TTC7A: variants seen among roughly 807,000 people sequenced by gnomAD.
TTC7A encodes tetratricopeptide repeat protein 7A.
Under a neutral mutation model 103.7 loss-of-function variants are expected in TTC7A, and 110 were observed. That is an observed-to-expected ratio of 1.06 (90% CI 0.91 to 1.24). The LOEUF (loss-of-function observed/expected upper bound fraction) is 1.24. Ranked by LOEUF, TTC7A falls within the 50% of genes most tolerant of loss-of-function variation. TTC7A has a pLI of 0.00. For synonymous variants in TTC7A, 521 were observed against 467.9 expected (o/e 1.11, Z -1.47); for missense variants, 1,340 against 1,116.3 (o/e 1.20, Z -2.86).
intron 15 of TTC7A, among the ~76,000 whole-genome samples, chr2:47,044,612 A>G (rs1181328270): frequency 1.3e-5 from 2 of 152,330 alleles, no homozygotes; most frequent in East Asian, 3.9e-4. Flanking sequence ...AGGGCATCCT[A>G]AGAATTGAGA....
intron 1 of TTC7A, among the ~76,000 whole-genome samples, chr2:46,945,247 C>T (rs911313151): frequency 1.3e-5 from 2 of 152,058 alleles, no homozygotes; most frequent in Non-Finnish European, 2.9e-5. Context: ...GTGTGTATGC[C>T]ACTACACCCA....
intron 18 of TTC7A, among the ~76,000 whole-genome samples, chr2:47,052,910 C>T (rs746293065): frequency 1.3e-5 from 2 of 152,092 alleles, no homozygotes; most frequent in African/African-American, 2.4e-5. Flanking sequence ...GAGAAGAAAC[C>T]GAAAGTTGAT....
chr2:46,986,719 A>G (rs1223988316), intron 5 of TTC7A, among the ~76,000 whole-genome samples: 1 of 152,094 alleles, frequency 6.6e-6, no homozygotes, highest in Non-Finnish European at 1.5e-5. Context: ...TGCCAGCGAG[A>G]CTAAGGAGAC....
intron 18 of TTC7A, among the ~76,000 whole-genome samples, chr2:47,052,730 G>A (rs1259352640): frequency 6.6e-6 from 1 of 152,132 alleles, no homozygotes; most frequent in Non-Finnish European, 1.5e-5. Flanking sequence ...AGAGGAGGAG[G>A]ATAGGCTAAA....
chr2:46,919,014 C>T (rs1007512664), intron 2 of TTC7A, among the ~76,000 whole-genome samples: 7 of 152,246 alleles, frequency 4.6e-5, no homozygotes, highest in East Asian at 3.9e-4. Flanking sequence ...GGAGATAGGA[C>T]GGCCATCCCA....
intron 11 of TTC7A, 130 bp downstream of exon 11, chr2:47,011,565 T>G: frequency 1.4e-6 from 1 of 695,222 alleles, no homozygotes; most frequent in Non-Finnish European, 2.3e-6. Context: ...ACCAGGCAGA[T>G]GGGCCTGGGC....
intron 11 of TTC7A, among the ~76,000 whole-genome samples, chr2:47,012,788 G>A (rs1029219299): frequency 3.3e-5 from 5 of 152,188 alleles, no homozygotes; most frequent in African/African-American, 9.7e-5. Flanking sequence ...CAAAGAGGCT[G>A]GGTGAAAAGA....
intron 15 of TTC7A, among the ~76,000 whole-genome samples, chr2:47,039,540 C>G (rs1681509774): frequency 1.3e-5 from 2 of 152,200 alleles, no homozygotes; most frequent in African/African-American, 4.8e-5. Context: ...TATCCCCTAT[C>G]TACAAGATAA....
At chr2:46,976,625 C>G (rs1028554314) in intron 4 of TTC7A, among the ~76,000 whole-genome samples, 1 of 152,194 alleles carries the variant, frequency 6.6e-6, no homozygotes, top group African/African-American at 2.4e-5. Flanking sequence ...GATTCTCAAC[C>G]TCAATGCTGT....
chr2:46,970,044 C>T lies in TTC7A; in HGVS notation c.518-4929C>T, dbSNP rs79211482. 8.5e-3 allele frequency among the ~76,000 whole-genome samples: 1,288 copies of T among 152,128 alleles called. 15 individuals carry two copies. Among genetic ancestry groups the T allele is most frequent in the African/African-American group, 0.029 (1,201 of 41,480 alleles). On this transcript the variant is annotated intron_variant, in intron 3 of 19. Transcript: ENST00000319190. ...CTTGTTCTGTCACCCAGCTGGAGTG[C>T]GGTGGCATAATCTTGGCTTACTGCA...
At chr2:47,040,049 C>T (rs1453362040) in intron 15 of TTC7A, among the ~76,000 whole-genome samples, 5 of 152,162 alleles carry the variant, frequency 3.3e-5, no homozygotes, top group South Asian at 2.1e-4. Context: ...GCATGGGAGT[C>T]GGCAGGTCCC....
chr2:46,925,813 T>A (rs1669356034), intron 2 of TTC7A, among the ~76,000 whole-genome samples: 1 of 152,218 alleles, frequency 6.6e-6, no homozygotes, highest in Non-Finnish European at 1.5e-5. Context: ...AAAAATAAAG[T>A]GGCTTTTGTG....
intron 2 of TTC7A, among the ~76,000 whole-genome samples, chr2:46,917,440 C>G (rs1668869448): frequency 6.6e-6 from 1 of 152,178 alleles, no homozygotes; most frequent in Admixed American, 6.5e-5. Flanking sequence ...ATTCATCCAC[C>G]CCTCCCTTTG....
chr2:46,963,106 G>GC (rs1672534649), intron 3 of TTC7A, among the ~76,000 whole-genome samples: 1 of 152,238 alleles, frequency 6.6e-6, no homozygotes, highest in Non-Finnish European at 1.5e-5. Flanking sequence ...GAGAGCTGCA[G>GC]CAGGGGGTCC....
intron 3 of TTC7A, chr2:46,958,402 G>A: frequency 9.8e-7 from 1 of 1,016,294 alleles, no homozygotes; most frequent in African/African-American, 1.7e-5. Flanking sequence ...GCCCTGAGCG[G>A]AACCCCCTTC....
intron 14 of TTC7A, among the ~76,000 whole-genome samples, chr2:47,028,229 G>A (rs759815994): frequency 6.6e-6 from 1 of 152,192 alleles, no homozygotes; most frequent in Non-Finnish European, 1.5e-5. Context: ...AAGGTGGCAG[G>A]CAGCCAAGCA....
chr2:47,056,444 TG>T (rs1683321960), intron 18 of TTC7A, among the ~76,000 whole-genome samples: 1 of 151,954 alleles, frequency 6.6e-6, no homozygotes, highest in Non-Finnish European at 1.5e-5. Context: ...GCCTTGGGGG[TG>T]GGCCCAGGCT....
intron 15 of TTC7A, among the ~76,000 whole-genome samples, chr2:47,038,791 C>T (rs1369185045): frequency 6.6e-6 from 1 of 151,866 alleles, no homozygotes; most frequent in Non-Finnish European, 1.5e-5. Flanking sequence ...TGCAGCTTCA[C>T]TTCCTTGGAG....
intron 2 of TTC7A, among the ~76,000 whole-genome samples, chr2:46,922,093 A>G (rs1472769385): frequency 1.3e-5 from 2 of 152,216 alleles, no homozygotes; most frequent in South Asian, 2.1e-4. Flanking sequence ...GGCATCCAGC[A>G]AAGAGTCTAG....
Sources: allele counts gnomAD v4.1 joint callset (sites outside exome capture counted in the v4.1 genomes callset), GRCh38; gene constraint gnomAD v4.1.1; transcripts MANE v1.5; gene names NCBI Gene and HGNC (gene_info 2026-07-23, HGNC 2026-07-21).